Variants in SCAMP1 observed in about 807,000 individuals in gnomAD.
SCAMP1 encodes secretory carrier membrane protein 1, also known as secretory carrier-associated membrane protein 1.
In SCAMP1, 15 loss-of-function variants were observed where a neutral mutation model predicts 41.8. That is an observed-to-expected ratio of 0.36 (90% confidence interval 0.24 to 0.55). The LOEUF is 0.55. SCAMP1 is among the 20% of genes least tolerant of loss of function. The pLI, the probability that SCAMP1 is intolerant of heterozygous loss-of-function variation, is 0.86. For missense variants in SCAMP1, 341 were observed against 412.6 expected, an observed-to-expected ratio of 0.83 and a Z score of 1.50; for synonymous variants, 135 against 136.8, an observed-to-expected ratio of 0.99 and a Z score of 0.09.
At chr5:78,471,212 A>G (rs549100056) in intron 8 of SCAMP1, among the ~76,000 whole-genome samples, 1 of 152,288 alleles carries the variant, frequency 6.6e-6, no homozygotes, top group East Asian at 1.9e-4. Context: ...GATTGGCGGT[A>G]CTCTCAATAG....
At chr5:78,407,556 G>C (rs1399402062) in intron 2 of SCAMP1, among the ~76,000 whole-genome samples, 2 of 149,018 alleles carry the variant, frequency 1.3e-5, no homozygotes, top group Admixed American at 6.7e-5. Context: ...AATTTGGCTT[G>C]TGTTTTAGGG....
At chr5:78,390,975 T>TCA (rs1479194763) in intron 2 of SCAMP1, among the ~76,000 whole-genome samples, 1 of 150,066 alleles carries the variant, frequency 6.7e-6, no homozygotes, top group African/African-American at 2.4e-5. Flanking sequence ...GGGGGTAAGG[T>TCA]CACAGATCAA....
In SCAMP1 at chr5:78,465,782, T is replaced by TA. The variant is rs1753729827; in HGVS notation, c.852+6421dup. Reference sequence around the variant, plus strand: ...GAATTGGCTGGTGAGGTCAGTCTGATATCAAGAGGGCAGGCCGGAACTCTC... The same window carrying TA: ...GAATTGGCTGGTGAGGTCAGTCTGATAATCAAGAGGGCAGGCCGGAACTCTC... On this transcript the variant is annotated intron_variant, in intron 8 of 8. Coordinates refer to ENST00000621999, the MANE Select transcript of SCAMP1 (RefSeq NM_004866.6). Among the ~76,000 whole-genome samples, 4 of 152,136 alleles carry TA rather than the reference T, an allele frequency of 2.6e-5. No homozygotes were observed. The South Asian group carries it at 6.2e-4, about 24-fold the overall frequency.
chr5:78,400,075 G>A (rs950872219), intron 2 of SCAMP1, among the ~76,000 whole-genome samples: 1 of 152,048 alleles, frequency 6.6e-6, no homozygotes, highest in Non-Finnish European at 1.5e-5. Context: ...GCATATGCTT[G>A]GCTTCTGTGA....
At chr5:78,464,541 G>T (rs898885218) in intron 8 of SCAMP1, among the ~76,000 whole-genome samples, 1 of 151,724 alleles carries the variant, frequency 6.6e-6, no homozygotes, top group Non-Finnish European at 1.5e-5. Context: ...CATCCTTCTC[G>T]CAGTCCATTT....
chr5:78,381,062 G>A (rs1454567577), intron 1 of SCAMP1, among the ~76,000 whole-genome samples: 4 of 138,930 alleles, frequency 2.9e-5, no homozygotes, highest in South Asian at 2.6e-4. Context: ...GCAAGACTCC[G>A]TCTCAAAAAA....
chr5:78,438,490 G>A (rs1003901357), intron 6 of SCAMP1, among the ~76,000 whole-genome samples: 1 of 152,184 alleles, frequency 6.6e-6, no homozygotes, highest in Admixed American at 6.5e-5. Flanking sequence ...TCATTCAGGA[G>A]CAGGTTGTTC....
intron 7 of SCAMP1, among the ~76,000 whole-genome samples, chr5:78,458,603 A>T (rs1222280547): frequency 6.6e-6 from 1 of 152,242 alleles, no homozygotes; most frequent in African/African-American, 2.4e-5. Flanking sequence ...ATGTAATAAT[A>T]GGCCAGGTGC....
intron 2 of SCAMP1, among the ~76,000 whole-genome samples, chr5:78,410,117 CT>C (rs113666677): frequency 0.32 from 45,136 of 142,350 alleles, 7,161 homozygotes; most frequent in East Asian, 0.55. Context: ...AACTCTTTTT[CT>C]TTTTTTTTTT....
intron 7 of SCAMP1, among the ~76,000 whole-genome samples, chr5:78,457,610 A>C: frequency 6.6e-6 from 1 of 151,910 alleles, no homozygotes; most frequent in Non-Finnish European, 1.5e-5. Context: ...GGGACATTTA[A>C]GTCTGCAGAG....
intron 6 of SCAMP1, among the ~76,000 whole-genome samples, chr5:78,425,953 C>CA (rs1471252555): frequency 5.0e-4 from 76 of 151,656 alleles, no homozygotes; most frequent in Non-Finnish European, 9.9e-4. Flanking sequence ...CCTTGCCCCC[C>CA]ACCCCTGACA....
chr5:78,441,546 G>T (rs1752924878), intron 6 of SCAMP1, among the ~76,000 whole-genome samples: 1 of 152,220 alleles, frequency 6.6e-6, no homozygotes, highest in African/African-American at 2.4e-5. Context: ...GGGCACGCTG[G>T]CCCATGCCTG....
intron 8 of SCAMP1, among the ~76,000 whole-genome samples, chr5:78,469,523 A>G (rs1387087697): frequency 5.9e-5 from 9 of 151,928 alleles, no homozygotes; most frequent in South Asian, 4.1e-4. Context: ...ACCTTTTTCA[A>G]TAAGTACTAA....
intron 1 of SCAMP1, among the ~76,000 whole-genome samples, chr5:78,364,322 C>A (rs1412187265): frequency 6.6e-6 from 1 of 152,174 alleles, no homozygotes; most frequent in Non-Finnish European, 1.5e-5. Flanking sequence ...AGAAAATTTT[C>A]ATGCTTTATG....
intron 6 of SCAMP1, among the ~76,000 whole-genome samples, chr5:78,425,238 T>C (rs1752440736): frequency 6.6e-6 from 1 of 152,200 alleles, no homozygotes; most frequent in African/African-American, 2.4e-5. Flanking sequence ...TTAATTATGA[T>C]GTATTTAATG....
At chr5:78,405,284 T>G (rs1232894408) in intron 2 of SCAMP1, among the ~76,000 whole-genome samples, 1 of 152,212 alleles carries the variant, frequency 6.6e-6, no homozygotes, top group Non-Finnish European at 1.5e-5. Context: ...AAAATAGCCT[T>G]TAATCTGATC....
At chr5:78,422,050 C>A in intron 6 of SCAMP1, 90 bp downstream of exon 6, 1 of 1,134,794 alleles carries the variant, frequency 8.8e-7, no homozygotes, top group Non-Finnish European at 1.2e-6. Flanking sequence ...GATGCATTTT[C>A]ATTAAAAAAT....
At chr5:78,427,040 T>C (rs1262507514) in intron 6 of SCAMP1, among the ~76,000 whole-genome samples, 1 of 152,204 alleles carries the variant, frequency 6.6e-6, no homozygotes, top group East Asian at 1.9e-4. Context: ...TCTTAGTTCA[T>C]ATTTGTTGCT....
At chr5:78,474,869 T>C (rs1388510151) in intron 8 of SCAMP1, among the ~76,000 whole-genome samples, 1 of 152,220 alleles carries the variant, frequency 6.6e-6, no homozygotes, top group Non-Finnish European at 1.5e-5. Flanking sequence ...TGAACCCTAC[T>C]CCTGAAAATA....
Sources: allele counts gnomAD v4.1 joint callset (sites outside exome capture counted in the v4.1 genomes callset), GRCh38; gene constraint gnomAD v4.1.1; transcripts MANE v1.5; gene names NCBI Gene and HGNC (gene_info 2026-07-23, HGNC 2026-07-21).